Variants in TYW1B observed in about 807,000 individuals in gnomAD.
The protein encoded by TYW1B is S-adenosyl-L-methionine-dependent tRNA 4-demethylwyosine synthase TYW1B.
In TYW1B, 73 loss-of-function variants were observed where a neutral mutation model predicts 86.9. The ratio of observed to expected loss-of-function variants is 0.84; its 90% CI spans 0.70 to 1.02. The LOEUF is 1.02. TYW1B is among the 50% of genes least tolerant of loss of function. TYW1B has a pLI of 0.00. For synonymous variants in TYW1B, 248 were observed against 292.8 expected (o/e 0.85, Z 1.56); for missense variants, 637 against 827.4 (o/e 0.77, Z 2.82).
intron 11 of TYW1B, among the ~76,000 whole-genome samples, chr7:72,659,502 CG>C (rs1456646498): frequency 2.6e-5 from 4 of 152,054 alleles, no homozygotes; most frequent in African/African-American, 9.7e-5. Flanking sequence ...CACTTGAACC[CG>C]GGAGGCTGAG....
chr7:72,776,556 C>CAAAAAAAA lies in TYW1B; in HGVS notation c.964+852_964+859dup, dbSNP rs67553013. On this transcript the variant is annotated intron_variant, in intron 7 of 13. Coordinates refer to ENST00000620995, the MANE Select transcript of TYW1B (RefSeq NM_001145440.3). ...AGACTGGGTGAGAGAGACTCTGTCT[C>CAAAAAAAA]AAAAAAAAAAAAAAAAAAAAAAAGA... 2.1e-3 allele frequency among the ~76,000 whole-genome samples: 93 copies of CAAAAAAAA among 45,144 alleles called. 6 individuals are homozygous for CAAAAAAAA. The highest frequency in any genetic ancestry group is 2.3e-3 in the East Asian group (3 of 1,308). 29.6% of individuals were successfully genotyped at this position (45,144 alleles called of 152,430 possible). A position where few individuals can be genotyped will look rare whatever the true frequency, so the allele number is the denominator to read the frequency against.
chr7:72,704,094 T>G (rs1814557665), intron 10 of TYW1B, among the ~76,000 whole-genome samples: 1 of 152,076 alleles, frequency 6.6e-6, no homozygotes, highest in African/African-American at 2.4e-5. Flanking sequence ...TTTGAGTTGT[T>G]ATATGATTTT....
intron 6 of TYW1B, among the ~76,000 whole-genome samples, chr7:72,788,259 G>T (rs1263023707): frequency 6.6e-6 from 1 of 152,088 alleles, no homozygotes; most frequent in African/African-American, 2.4e-5. Flanking sequence ...GATTACAGGA[G>T]TGAGCCACTG....
intron 11 of TYW1B, among the ~76,000 whole-genome samples, chr7:72,676,723 G>C (rs1226057935): frequency 6.6e-6 from 1 of 152,170 alleles, no homozygotes; most frequent in African/African-American, 2.4e-5. Flanking sequence ...ACTTTGGGAG[G>C]CCGAGGCGGT....
chr7:72,733,845 C>T (rs566266468), intron 8 of TYW1B, among the ~76,000 whole-genome samples: 1 of 152,294 alleles, frequency 6.6e-6, no homozygotes, highest in South Asian at 2.1e-4. Flanking sequence ...CCACCAAAGA[C>T]ATTTTTCACA....
chr7:72,591,237 T>A (rs1182342348), intron 13 of TYW1B, among the ~76,000 whole-genome samples: 1 of 151,666 alleles, frequency 6.6e-6, no homozygotes, highest in Non-Finnish European at 1.5e-5. Flanking sequence ...CGTGGCAATC[T>A]CAGAAGGAGA....
chr7:72,665,895 A>T (rs1415461884), intron 11 of TYW1B, among the ~76,000 whole-genome samples: 1 of 152,188 alleles, frequency 6.6e-6, no homozygotes, highest in Non-Finnish European at 1.5e-5. Flanking sequence ...TAGTATATTA[A>T]ATGTTATGCA....
intron 13 of TYW1B, among the ~76,000 whole-genome samples, chr7:72,605,331 ATGT>A (rs1220342315): frequency 6.6e-6 from 1 of 151,496 alleles, no homozygotes; most frequent in Non-Finnish European, 1.5e-5. Context: ...TCCCTCTGGA[ATGT>A]TGTGGTTTTT....
chr7:72,593,449 G>A (rs1554431939), intron 13 of TYW1B, among the ~76,000 whole-genome samples: 7 of 152,072 alleles, frequency 4.6e-5, no homozygotes. Context: ...CGGTAAGTTA[G>A]GCTACCAATT....
intron 13 of TYW1B, among the ~76,000 whole-genome samples, chr7:72,577,803 G>C (rs1445339020): frequency 6.6e-6 from 1 of 152,214 alleles, no homozygotes; most frequent in Non-Finnish European, 1.5e-5. Flanking sequence ...CTCTTGGTGA[G>C]CTGTGGTCCT....
At chr7:72,811,729 G>C (rs1223822522) in intron 3 of TYW1B, among the ~76,000 whole-genome samples, 109 of 151,308 alleles carry the variant, frequency 7.2e-4, no homozygotes, top group East Asian at 3.5e-3. Flanking sequence ...CTAAGCAACA[G>C]AGTGAAACCC....
Position 72,828,142 on chromosome 7 carries a change from G to T in TYW1B, c.-67C>A. 6.2e-7 allele frequency: 1 copy of T among 1,607,488 alleles called. No individual in the cohort carries two copies. On this transcript the variant is annotated 5_prime_UTR_variant, in exon 1 of 14. Transcript: ENST00000620995. ...GAGCCCAAAGGTTCGCACTGGTACT[G>T]CGAGACGCACCGAGCTACCTCGCGG...
chr7:72,587,258 A>C (rs1811297576), intron 13 of TYW1B, among the ~76,000 whole-genome samples: 2 of 152,180 alleles, frequency 1.3e-5, no homozygotes, highest in African/African-American at 4.8e-5. Flanking sequence ...AAAGAGTGTT[A>C]CTGAAACCAC....
intron 6 of TYW1B, among the ~76,000 whole-genome samples, chr7:72,799,151 CTTTTTTTTTT>C (rs1309407026): frequency 2.0e-4 from 12 of 58,558 alleles, no homozygotes; most frequent in Non-Finnish European, 3.4e-4. Flanking sequence ...CCGGGTCTGC[CTTTTTTTTTT>C]TTTTTTTTTT....
intron 11 of TYW1B, among the ~76,000 whole-genome samples, chr7:72,655,369 C>G (rs1321983987): frequency 6.6e-6 from 1 of 152,196 alleles, no homozygotes; most frequent in Non-Finnish European, 1.5e-5. Context: ...AGAATTCACA[C>G]TGGGTCCCAC....
chr7:72,725,477 G>C (rs1554458487), intron 9 of TYW1B, among the ~76,000 whole-genome samples: 7 of 152,112 alleles, frequency 4.6e-5, no homozygotes, highest in African/African-American at 1.7e-4. Flanking sequence ...TCCTGCTTCT[G>C]ATATTACTAT....
At chr7:72,629,925 A>G (rs529117637) in intron 11 of TYW1B, among the ~76,000 whole-genome samples, 31 of 152,278 alleles carry the variant, frequency 2.0e-4, no homozygotes, top group African/African-American at 7.2e-4. Context: ...TCCCTTTTAG[A>G]ACCCAAAACA....
chr7:72,767,208 T>G lies in TYW1B; in HGVS notation c.964+10208A>C, dbSNP rs372398548. Among the ~76,000 whole-genome samples the G allele has an allele frequency of 3.3e-5, 5 of 152,272 alleles. No homozygotes were observed. The East Asian group carries it at 5.8e-4, about 18-fold the overall frequency. ...CTGCCAACGTCATCTGCCCAGCAAC[T>G]GCCAGCCTACCCTCGGACTGCCGTC... On this transcript the variant is annotated intron_variant, in intron 7 of 13. Transcript: ENST00000620995.
Position 72,575,087 on chromosome 7 carries a change from A to T in TYW1B, c.*411T>A, listed in dbSNP as rs2129567453. ...GTTTAGCTCAGGGTAGTGCAATTCA[A>T]TGCTAAGTGGCTGCTCCATGAAATC... is the stretch of plus-strand genomic sequence containing the variant. On this transcript the variant is annotated 3_prime_UTR_variant, in exon 14 of 14. Transcript: ENST00000620995. 1 of 1,039,646 alleles carries T rather than the reference A, an allele frequency of 9.6e-7. No homozygotes were observed. Among genetic ancestry groups the T allele is most frequent in the Non-Finnish European group, 1.2e-6 (1 of 863,610 alleles). 64.4% of individuals were successfully genotyped at this position (1,039,646 alleles called of 1,614,324 possible). A position where few individuals can be genotyped will look rare whatever the true frequency, so the allele number is the denominator to read the frequency against.
Sources: gnomAD v4.1 joint callset for allele counts (sites outside exome capture counted in the v4.1 genomes callset) on GRCh38, gnomAD v4.1.1 for gene constraint, MANE v1.5 for transcripts, NCBI Gene and HGNC (gene_info 2026-07-23, HGNC 2026-07-21) for gene names.